The following ZNF43 variants were observed in gnomAD, a reference collection of about 807,000 sequenced individuals.
ZNF43 encodes the protein zinc finger protein 43.
ZNF43 carries 44 observed loss-of-function variants against 68.4 expected under a neutral mutation model. That is an observed-to-expected ratio of 0.64 (90% CI 0.51 to 0.83). ZNF43 has a LOEUF of 0.83. Among genes scored for constraint, ZNF43 ranks in the 40% least tolerant of loss-of-function variants. The pLI, the probability that ZNF43 is intolerant of heterozygous loss-of-function variation, is 0.00. For synonymous variants in ZNF43, 308 were observed against 307.8 expected, an observed-to-expected ratio of 1.00 and a Z score of -0.01; for missense variants, 896 against 933.2, an observed-to-expected ratio of 0.96 and a Z score of 0.52.
At chr19:21,841,272 G>A (rs1481382570) in intron 1 of ZNF43, 1 of 152,234 alleles carries the variant, frequency 6.6e-6, no homozygotes, top group Non-Finnish European at 1.5e-5. Context: ...TCTAACCTGT[G>A]AGTAGAAAGT....
chr19:21,843,289 G>A (rs1274791363), intron 1 of ZNF43: 9 of 836,674 alleles, frequency 1.1e-5, no homozygotes, highest in Admixed American at 6.2e-5. Context: ...GAGTCAAATC[G>A]CTCACATTCT....
intron 1 of ZNF43, among the ~76,000 whole-genome samples, chr19:21,848,062 C>G (rs756948203): frequency 3.0e-4 from 46 of 152,036 alleles, no homozygotes; most frequent in Non-Finnish European, 4.7e-4. Context: ...TCAGGTGATG[C>G]ACCCGCCTCA....
chr19:21,830,750 C>G (rs866034671), intron 1 of ZNF43, among the ~76,000 whole-genome samples: 1 of 149,744 alleles, frequency 6.7e-6, no homozygotes, highest in African/African-American at 2.4e-5. Flanking sequence ...TCTTCCCCAA[C>G]TCATTACATA....
At chr19:21,835,537 T>C (rs2145350041) in intron 1 of ZNF43, among the ~76,000 whole-genome samples, 1 of 151,654 alleles carries the variant, frequency 6.6e-6, no homozygotes, top group Middle Eastern at 3.4e-3. Context: ...TTTGTATTTT[T>C]AGTATAGACG....
intron 1 of ZNF43, among the ~76,000 whole-genome samples, chr19:21,819,762 GT>G (rs995852492): frequency 5.3e-5 from 8 of 151,974 alleles, no homozygotes; most frequent in South Asian, 2.1e-4. Context: ...AAAAGTCTGT[GT>G]TTTTTTTCTA....
rs567649235 is a variant in ZNF43 at position 21,816,047 on chromosome 19, C to A, written c.229+1841G>T. Among the ~76,000 whole-genome samples, 6 of 148,470 alleles carry A rather than the reference C, an allele frequency of 4.0e-5. 1 individual carries two copies. Among genetic ancestry groups the A allele is most frequent in the African/African-American group, 1.5e-4 (6 of 40,234 alleles). On this transcript the variant is annotated intron_variant, in intron 3 of 3. Transcript: ENST00000354959. ...TTGCACTCCAGCCTGGGCAACAGAGCGAGACTCTGACGCAAAAAAAAAAAA... is the reference window on the plus strand; with the variant it reads ...TTGCACTCCAGCCTGGGCAACAGAGAGAGACTCTGACGCAAAAAAAAAAAA...
In ZNF43 at chr19:21,807,593, C is replaced by T; in HGVS notation, c.*14G>A. 6.6e-7 allele frequency: 1 copy of T among 1,516,720 alleles called. No homozygotes were observed. The highest frequency in any genetic ancestry group is 1.4e-5 in the African/African-American group (1 of 71,804). The allele number at this position is 1,516,720 out of a possible 1,614,324, so 94.0% of individuals were successfully genotyped here. On this transcript the variant is annotated 3_prime_UTR_variant, in exon 4 of 4. Transcript: ENST00000354959. ...CACATTCTTTACATTTCTAGAATTT[C>T]TCACCAGTATAATTTATTTTATGTT...
In ZNF43 at chr19:21,813,080, T is replaced by C. The variant is rs1315169907; in HGVS notation, c.230-3273A>G. Among the ~76,000 whole-genome samples, 8 of 151,984 alleles carry C rather than the reference T, an allele frequency of 5.3e-5. No homozygotes were observed. In the East Asian group the frequency reaches 1.5e-3, roughly 29 times the overall value. On this transcript the variant is annotated intron_variant, in intron 3 of 3. Transcript: ENST00000354959. Reference sequence around the variant, plus strand: ...CAACATGGAATAACTCCATCTCTACTAAAAATACAAAATTAACCAGGCATG... The same window carrying C: ...CAACATGGAATAACTCCATCTCTACCAAAAATACAAAATTAACCAGGCATG...
intron 3 of ZNF43, among the ~76,000 whole-genome samples, chr19:21,813,195 A>G (rs1255164274): frequency 1.3e-5 from 2 of 151,870 alleles, no homozygotes; most frequent in African/African-American, 4.8e-5. Context: ...GTGAACTGAG[A>G]GCACGCCATT....
chr19:21,815,137 C>T (rs1051551370), intron 3 of ZNF43, among the ~76,000 whole-genome samples: 1 of 150,566 alleles, frequency 6.6e-6, no homozygotes, highest in African/African-American at 2.4e-5. Context: ...TGCAGTGAGC[C>T]GAGATCATGC....
upstream of ZNF43, chr19:21,839,827 AAT>A (rs1431155620): frequency 6.6e-6 from 1 of 152,198 alleles, no homozygotes; most frequent in Admixed American, 6.5e-5. Flanking sequence ...TGGGCCAAAC[AAT>A]ATGTCACAAT....
rs1405091851 is a variant in ZNF43, at chr19:21,820,235, TAC to T, written c.4-1016_4-1015del. On this transcript the variant is annotated intron_variant, in intron 1 of 3. Coordinates refer to ENST00000354959, the MANE Select transcript of ZNF43 (RefSeq NM_003423.4). ...AATAATAATATATATATATAATATA[TAC>T]ATATATATTAATATATTTTATATAT... 1.8e-4 allele frequency among the ~76,000 whole-genome samples: 26 copies of T among 147,088 alleles called. 1 individual carries two copies. Among genetic ancestry groups the T allele is most frequent in the African/African-American group, 2.5e-5 (1 of 40,588 alleles).
At chr19:21,824,610 G>A (rs2038017071) in intron 1 of ZNF43, among the ~76,000 whole-genome samples, 1 of 151,768 alleles carries the variant, frequency 6.6e-6, no homozygotes, top group Non-Finnish European at 1.5e-5. Flanking sequence ...CAAACTATAT[G>A]TACAGATTCT....
At chr19:21,835,546 C>G (rs2145350134) in intron 1 of ZNF43, among the ~76,000 whole-genome samples, 1 of 151,608 alleles carries the variant, frequency 6.6e-6, no homozygotes, top group South Asian at 2.1e-4. Context: ...TTAGTATAGA[C>G]GGGGTTCACC....
At chr19:21,823,413 T>C (rs938808671) in intron 1 of ZNF43, among the ~76,000 whole-genome samples, 5 of 152,190 alleles carry the variant, frequency 3.3e-5, no homozygotes, top group Admixed American at 1.3e-4. Flanking sequence ...TAATTTATCC[T>C]AGACTGAGAC....
chr19:21,819,306 A>C, intron 1 of ZNF43, 85 bp from the exon 2 acceptor site: 1 of 1,459,264 alleles, frequency 6.9e-7, no homozygotes. Flanking sequence ...TCAAGGTAAA[A>C]TGAGAGAGTA....
intron 1 of ZNF43, among the ~76,000 whole-genome samples, chr19:21,850,279 A>G (rs1449118558): frequency 6.6e-6 from 1 of 152,218 alleles, no homozygotes; most frequent in African/African-American, 2.4e-5. Flanking sequence ...GGGCCTGGGC[A>G]GGGCCAGACA....
Position 21,809,097 on chromosome 19 carries a change from A to G in ZNF43, c.940T>C (p.Tyr314His). Residue 314 changes from tyrosine to histidine, a missense_variant, in exon 4 of 4, where the codon TAC becomes CAC. Coordinates refer to ENST00000354959, the MANE Select transcript of ZNF43 (RefSeq NM_003423.4). ...HKKIHPGEKPYKCEECGKAFN... is the reference protein window; with the variant it reads ...HKKIHPGEKPHKCEECGKAFN... ...GCTTTGCCACATTCTTCACATTTGT[A>G]AGGTTTCTCTCCAGGATGAATTTTC... The G allele has an allele frequency of 1.2e-6, 2 of 1,613,526 alleles. No homozygotes were observed. The highest frequency in any genetic ancestry group is 8.5e-7 in the Non-Finnish European group (1 of 1,179,876).
intron 3 of ZNF43, among the ~76,000 whole-genome samples, chr19:21,812,687 A>C (rs904105324): frequency 6.6e-6 from 1 of 152,170 alleles, no homozygotes; most frequent in Middle Eastern, 3.2e-3. Context: ...ACAGTGGCTC[A>C]CATCTTTAAA....
Sources: allele counts gnomAD v4.1 joint callset (sites outside exome capture counted in the v4.1 genomes callset), GRCh38; gene constraint gnomAD v4.1.1; transcripts MANE v1.5; gene names NCBI Gene and HGNC (gene_info 2026-07-23, HGNC 2026-07-21).